The following FUT2 variants were observed in gnomAD, a reference collection of about 807,000 sequenced individuals.
FUT2 encodes the protein fucosyltransferase 2 (H blood group), also known as galactoside alpha-(1,2)-fucosyltransferase 2.
For missense variants in FUT2, 419 were observed against 465.8 expected, an observed-to-expected ratio of 0.90 and a Z score of 0.93; for synonymous variants, 182 against 193.1, an observed-to-expected ratio of 0.94 and a Z score of 0.48.
In FUT2 at chr19:48,705,102, TTTTCTTTTC is replaced by T; in HGVS notation, c.*1118_*1126del. ...CAGAGAGCTCACTGTTTTCTTTTCT[TTTTCTTTTC>T]TTTTTTTTTTTTTTTTTGAGATGGA... On this transcript the variant is annotated 3_prime_UTR_variant, in exon 2 of 2. Coordinates refer to ENST00000425340, the MANE Select transcript of FUT2 (RefSeq NM_000511.6). 4.2e-6 allele frequency: 1 copy of T among 239,756 alleles called. No individual in the cohort carries two copies. Among genetic ancestry groups the T allele is most frequent in the African/African-American group, 3.0e-5 (1 of 33,388 alleles). The allele number at this position is 239,756 out of a possible 1,614,324, so 14.9% of individuals were successfully genotyped here.
chr19:48,700,713 C>CA (rs1380885463), intron 1 of FUT2, among the ~76,000 whole-genome samples: 1 of 151,998 alleles, frequency 6.6e-6, no homozygotes, highest in Non-Finnish European at 1.5e-5. Flanking sequence ...TAATTTCTTT[C>CA]AAAAACAGCA....
intron 1 of FUT2, 40 bp from the exon 2 acceptor site, chr19:48,702,915 C>T (rs516246): frequency 0.46 from 735,466 of 1,604,928 alleles, 179,278 homozygotes; most frequent in Middle Eastern, 0.52. Context: ...CCCGGGCCTC[C>T]ATCTCCCAGC....
At chr19:48,702,805 C>T in intron 1 of FUT2, 150 bp from the exon 2 acceptor site, 1 of 789,540 alleles carries the variant, frequency 1.3e-6, no homozygotes, top group South Asian at 1.4e-5. Context: ...TGCCTGTGCA[C>T]ATAGGCAAGT....
At position 48,705,625 on chromosome 19, in the gene FUT2, A is replaced by G. The variant is rs1469648493; in HGVS notation, c.*1637A>G. 1.2e-5 allele frequency: 2 copies of G among 167,026 alleles called. No individual in the cohort carries two copies. Among genetic ancestry groups the G allele is most frequent in the Non-Finnish European group, 2.9e-5 (2 of 68,124 alleles). 10.3% of individuals were successfully genotyped at this position (167,026 alleles called of 1,614,324 possible). On this transcript the variant is annotated 3_prime_UTR_variant, in exon 2 of 2. Coordinates refer to ENST00000425340, the MANE Select transcript of FUT2 (RefSeq NM_000511.6). ...GGCGTTCCGTTCATTCTTTCAGTAAATGTTTGCAGCACATGTGTTACATGT... is the reference window on the plus strand; with the variant it reads ...GGCGTTCCGTTCATTCTTTCAGTAAGTGTTTGCAGCACATGTGTTACATGT...
At chr19:48,701,709 C>A (rs2032520179) in intron 1 of FUT2, among the ~76,000 whole-genome samples, 1 of 151,556 alleles carries the variant, frequency 6.6e-6, no homozygotes, top group Non-Finnish European at 1.5e-5. Flanking sequence ...AGATGAACAT[C>A]TTGGGCCGGG....
chr19:48,697,151 G>A (rs2032426144), intron 1 of FUT2, among the ~76,000 whole-genome samples: 1 of 151,820 alleles, frequency 6.6e-6, no homozygotes, highest in Admixed American at 6.6e-5. Flanking sequence ...TTCGAGACCA[G>A]TCTGGCCAAC....
rs571603653 is a variant in FUT2 at position 48,702,194 on chromosome 19, A to G, written c.-2-761A>G. 4.6e-5 allele frequency among the ~76,000 whole-genome samples: 7 copies of G among 152,054 alleles called. No homozygotes were observed. The South Asian group carries it at 1.5e-3, about 32-fold the overall frequency. On this transcript the variant is annotated intron_variant, in intron 1 of 1. Transcript: ENST00000425340. ...GGTGGGAAGATCACTTGGGCCTAGGAGTTTGAGACCAGCCTGACCAACATA... is the reference window on the plus strand; with the variant it reads ...GGTGGGAAGATCACTTGGGCCTAGGGGTTTGAGACCAGCCTGACCAACATA...
chr19:48,698,082 C>T (rs2032447699), intron 1 of FUT2, among the ~76,000 whole-genome samples: 1 of 149,664 alleles, frequency 6.7e-6, no homozygotes, highest in Non-Finnish European at 1.5e-5. Flanking sequence ...TCACTGAAAC[C>T]TCTGGGGAGG....
intron 1 of FUT2, among the ~76,000 whole-genome samples, chr19:48,701,865 C>A (rs1382785922): frequency 1.3e-5 from 2 of 151,650 alleles, no homozygotes; most frequent in African/African-American, 4.8e-5. Flanking sequence ...TGGTGGCGGG[C>A]GCCTGTAATC....
intron 1 of FUT2, among the ~76,000 whole-genome samples, chr19:48,700,089 G>C (rs537488778): frequency 6.9e-6 from 1 of 145,880 alleles, no homozygotes; most frequent in Non-Finnish European, 1.5e-5. Context: ...GGAGGCGGAG[G>C]TTGCAGTAAG....
intron 1 of FUT2, among the ~76,000 whole-genome samples, chr19:48,697,914 GA>G (rs1555753815): frequency 3.3e-5 from 5 of 150,970 alleles, no homozygotes; most frequent in Non-Finnish European, 4.4e-5. Flanking sequence ...GGCTGGTCTC[GA>G]ACTCCTGACC....
chr19:48,701,684 G>A (rs2032519737), intron 1 of FUT2, among the ~76,000 whole-genome samples: 1 of 151,396 alleles, frequency 6.6e-6, no homozygotes, highest in East Asian at 2.0e-4. Flanking sequence ...TGGCAAGTAG[G>A]AAAATAAAAA....
intron 1 of FUT2, among the ~76,000 whole-genome samples, chr19:48,698,414 G>A (rs1252791455): frequency 6.6e-6 from 1 of 151,836 alleles, no homozygotes; most frequent in African/African-American, 2.4e-5. Flanking sequence ...GGACATCCGT[G>A]TAGAACATTC....
chr19:48,703,747 G>A lies in FUT2; in HGVS notation c.791G>A (p.Gly264Asp), dbSNP rs1278561028. The A allele has an allele frequency of 2.5e-6, 4 of 1,613,468 alleles. No individual in the cohort carries two copies. In the Admixed American group the frequency reaches 6.7e-5, roughly 27 times the overall value. Residue 264 changes from glycine (G) to aspartate (D), a missense_variant, in exon 2 of 2, where the codon GGC becomes GAC. By Grantham distance (94) the Gly-to-Asp change is moderately conservative. Coordinates refer to ENST00000425340, the MANE Select transcript of FUT2 (RefSeq NM_000511.6). ...DTSHGDVVFAGDGIEGSPAKD... is the reference protein window; with the variant it reads ...DTSHGDVVFADDGIEGSPAKD... ...TCCCACGGTGATGTGGTGTTTGCTG[G>A]CGATGGCATTGAGGGCTCACCTGCC...
intron 1 of FUT2, among the ~76,000 whole-genome samples, chr19:48,697,406 G>C (rs1392824836): frequency 6.6e-6 from 1 of 150,660 alleles, no homozygotes; most frequent in East Asian, 2.0e-4. Flanking sequence ...TCTCATGCCT[G>C]TAATCCCAGC....
intron 1 of FUT2, 177 bp downstream of exon 1, chr19:48,696,266 C>G (rs932785504): frequency 6.6e-6 from 1 of 152,342 alleles, no homozygotes; most frequent in Non-Finnish European, 1.5e-5. Flanking sequence ...CAGCCAGGAC[C>G]CCCCTCCCCA....
chr19:48,699,446 C>T (rs1053164876), intron 1 of FUT2, among the ~76,000 whole-genome samples: 3 of 152,024 alleles, frequency 2.0e-5, no homozygotes, highest in Non-Finnish European at 2.9e-5. Context: ...GATCCACCCA[C>T]TTTGGCTTCT....
At position 48,696,015 on chromosome 19, in the gene FUT2, G is replaced by A. The variant is rs1175024048; in HGVS notation, c.-77G>A. ...GTTTCTTTGGCCCTGAGTGAAGAGAGACCCAGAGGGAACACTGAGGTGCCT... is the reference window on the plus strand; with the variant it reads ...GTTTCTTTGGCCCTGAGTGAAGAGAAACCCAGAGGGAACACTGAGGTGCCT... On this transcript the variant is annotated 5_prime_UTR_variant, in exon 1 of 2. Transcript: ENST00000425340. The A allele has an allele frequency of 6.6e-6, 1 of 152,412 alleles. No individual in the cohort carries two copies. The highest frequency in any genetic ancestry group is 1.9e-4 in the East Asian group (1 of 5,254). The allele number at this position is 152,412 out of a possible 1,614,324, so 9.4% of individuals were successfully genotyped here.
chr19:48,702,573 T>C (rs2032534914), intron 1 of FUT2, among the ~76,000 whole-genome samples: 1 of 152,126 alleles, frequency 6.6e-6, no homozygotes, highest in South Asian at 2.1e-4. Context: ...CATATACCCT[T>C]ACATGTACAC....
Sources: allele counts gnomAD v4.1 joint callset (sites outside exome capture counted in the v4.1 genomes callset), GRCh38; gene constraint gnomAD v4.1.1; transcripts MANE v1.5; gene names NCBI Gene and HGNC (gene_info 2026-07-23, HGNC 2026-07-21).